Variants in GPSM3 observed in about 807,000 individuals in gnomAD.
GPSM3 encodes the protein G protein signaling modulator 3, also known as G protein-signaling modulator 3.
GPSM3 carries 16 observed loss-of-function variants against 20.4 expected under a neutral mutation model. That is an observed-to-expected ratio of 0.78 (90% CI 0.53 to 1.19). The LOEUF (loss-of-function observed/expected upper bound fraction) is 1.19. Ranked by LOEUF, GPSM3 falls within the 50% of genes most tolerant of loss-of-function variation. The probability of loss-of-function intolerance (pLI) is 0.00; values close to 1 mark genes in which losing one functional copy is unlikely to be tolerated. For missense variants in GPSM3, 177 were observed against 204.6 expected, an observed-to-expected ratio of 0.86 and a Z score of 0.82; for synonymous variants, 70 against 79.6, an observed-to-expected ratio of 0.88 and a Z score of 0.64.
In GPSM3 at chr6:32,192,012, G is replaced by C; in HGVS notation, c.146-104C>G. On this transcript the variant is annotated intron_variant, in intron 2 of 3. Coordinates refer to ENST00000375040, the MANE Select transcript of GPSM3 (RefSeq NM_001276501.2). This position sits in a 1 kb window ranked among gnomAD's most constrained non-coding sequence, Gnocchi z 5.1. ...ACGTGATTAGGGACTTTGGATCAGAGGAGAGGGGGTGCAATGGGGAATCCC... is the reference window on the plus strand; with the variant it reads ...ACGTGATTAGGGACTTTGGATCAGACGAGAGGGGGTGCAATGGGGAATCCC... 1 of 1,298,470 alleles carries C rather than the reference G, an allele frequency of 7.7e-7. No homozygotes were observed. The highest frequency in any genetic ancestry group is 1.1e-6 in the Non-Finnish European group (1 of 915,752). The allele number at this position is 1,298,470 out of a possible 1,614,324, so 80.4% of individuals were successfully genotyped here.
upstream of GPSM3, among the ~76,000 whole-genome samples, chr6:32,193,498 T>A (rs1787674344): frequency 6.6e-6 from 1 of 151,830 alleles, no homozygotes; most frequent in African/African-American, 2.4e-5. This position sits in a 1 kb window ranked among gnomAD's most constrained non-coding sequence, Gnocchi z 4.7. Context: ...AGACTCCGTC[T>A]CCAAAATAAA....
chr6:32,192,167 AGGAGGAGGGGAT>A lies in GPSM3; in HGVS notation c.114_125del (p.Ser39_Pro42del). On this transcript the variant is annotated inframe_deletion, in exon 2 of 4. Coordinates refer to ENST00000375040, the MANE Select transcript of GPSM3 (RefSeq NM_001276501.2). The surrounding 1 kb of genome is among the most constrained non-coding windows in gnomAD (Gnocchi z 5.1). ...GGGTACCTGTGTGGCGGGTCCCTGG[AGGAGGAGGGGAT>A]GGAGGAGCAGATCGCCAAGGCCGAG... 1.3e-6 allele frequency: 2 copies of A among 1,506,024 alleles called. No individual in the cohort carries two copies. The highest frequency in any genetic ancestry group is 2.7e-5 in the South Asian group (2 of 73,710). 93.3% of individuals were successfully genotyped at this position (1,506,024 alleles called of 1,614,324 possible).
chr6:32,195,428 T>A, upstream of GPSM3: 1 of 1,569,154 alleles, frequency 6.4e-7, no homozygotes, highest in Non-Finnish European at 8.6e-7. The surrounding 1 kb of genome is among the most constrained non-coding windows in gnomAD (Gnocchi z 5.4). Flanking sequence ...CTCCCTACCA[T>A]GTATTCTTCT....
upstream of GPSM3, chr6:32,194,877 A>G (rs1787752602): frequency 4.3e-6 from 1 of 233,380 alleles, no homozygotes; most frequent in Admixed American, 5.6e-5. The surrounding 1 kb of genome is among the most constrained non-coding windows in gnomAD (Gnocchi z 4.5). Context: ...TGGGTGACAG[A>G]TTTAGGGTTC....
Position 32,192,116 on chromosome 6 carries a change from G to C in GPSM3, c.145+32C>G, listed in dbSNP as rs371037731. 1 of 1,477,878 alleles carries C rather than the reference G, an allele frequency of 6.8e-7. No homozygotes were observed. Among genetic ancestry groups the C allele is most frequent in the Non-Finnish European group, 9.1e-7 (1 of 1,099,354 alleles). The allele number at this position is 1,477,878 out of a possible 1,614,324, so 91.5% of individuals were successfully genotyped here. On this transcript the variant is annotated intron_variant, in intron 2 of 3. Coordinates refer to ENST00000375040, the MANE Select transcript of GPSM3 (RefSeq NM_001276501.2). This position sits in a 1 kb window ranked among gnomAD's most constrained non-coding sequence, Gnocchi z 5.1. ...AATGGGGTCAGGATGTGGGCACTAG[G>C]GTCGGGGCTCTCCCTGGGTGGGTAG...
rs763139972 is a variant in GPSM3 at position 32,191,791 on chromosome 6, TG to T, written c.262del (p.Gln88LysfsTer6). On this transcript the variant is annotated frameshift_variant, in exon 3 of 4. Coordinates refer to ENST00000375040, the MANE Select transcript of GPSM3 (RefSeq NM_001276501.2). LOFTEE classifies it high-confidence loss of function. This position sits in a 1 kb window ranked among gnomAD's most constrained non-coding sequence, Gnocchi z 5.9. The stretch of plus-strand genomic sequence containing the variant: ...GGCAGGGGCTAGGCTTGAGGGGTTT[TG>T]GGGGGTGTAGAAGGTGGCCCTCTGC... ...EEQRATFYTP[Q>X]NPSSLAPAPL... The T allele has an allele frequency of 1.2e-6, 2 of 1,611,770 alleles. No individual in the cohort carries two copies. The highest frequency in any genetic ancestry group is 1.1e-5 in the South Asian group (1 of 91,032).
rs748139033 is a variant in GPSM3, at chr6:32,192,267, T to A, written c.43-17A>T. On this transcript the variant is annotated splice_polypyrimidine_tract_variant and intron_variant, in intron 1 of 3. Transcript: ENST00000375040. The surrounding 1 kb of genome is among the most constrained non-coding windows in gnomAD (Gnocchi z 5.1). ...AGGGGGGCCCTGATGCCAAAATATG[T>A]CCATTCTAGTCAAGCAGTGGTGGTT... 2 of 1,512,804 alleles carry A rather than the reference T, an allele frequency of 1.3e-6. No individual in the cohort carries two copies. The highest frequency in any genetic ancestry group is 1.4e-5 in the African/African-American group (1 of 71,526). 93.7% of individuals were successfully genotyped at this position (1,512,804 alleles called of 1,614,324 possible). A position where few individuals can be genotyped will look rare whatever the true frequency, so the allele number is the denominator to read the frequency against.
chr6:32,191,466 A>T lies in GPSM3; in HGVS notation c.383T>A (p.Leu128His). 6.3e-7 allele frequency: 1 copy of T among 1,582,322 alleles called. No homozygotes were observed. The highest frequency in any genetic ancestry group is 1.4e-5 in the African/African-American group (1 of 73,050). Residue 128 changes from leucine to histidine, a missense_variant, in exon 4 of 4, where the codon CTC becomes CAC. Transcript: ENST00000375040. The surrounding 1 kb of genome is among the most constrained non-coding windows in gnomAD (Gnocchi z 5.9). ...RMEAQRSEPP[L>H]PPGGQELLEL... The stretch of plus-strand genomic sequence containing the variant: ...CAGGAGCTCTTGCCCCCCTGGAGGG[A>T]GGGGAGGCTCTGACCGCTGGGCTTC...
chr6:32,195,335 C>T (rs762608692), upstream of GPSM3: 9 of 1,143,300 alleles, frequency 7.9e-6, no homozygotes, highest in Non-Finnish European at 1.1e-5. This position sits in a 1 kb window ranked among gnomAD's most constrained non-coding sequence, Gnocchi z 5.4. Context: ...ACTAAACTCA[C>T]AACCCTTCAT....
At position 32,191,412 on chromosome 6, in the gene GPSM3, C is replaced by T; in HGVS notation, c.437G>A (p.Gly146Asp). 6.3e-7 allele frequency: 1 copy of T among 1,593,524 alleles called. No homozygotes were observed. Among genetic ancestry groups the T allele is most frequent in the Non-Finnish European group, 8.5e-7 (1 of 1,172,168 alleles). ...CCGGGACCTTTGCTCCTCCATTCGACCCCCACCCTGAACTCTCAGCAGCAA... is the reference window on the plus strand; with the variant it reads ...CCGGGACCTTTGCTCCTCCATTCGATCCCCACCCTGAACTCTCAGCAGCAA... ...LELLLRVQGG[G>D]RMEEQRSRPP... Residue 146 changes from glycine to aspartate, a missense_variant, in exon 4 of 4, where the codon GGT (glycine) becomes GAT (aspartate). By Grantham distance (94) the Gly-to-Asp change is moderately conservative. Coordinates refer to ENST00000375040, the MANE Select transcript of GPSM3 (RefSeq NM_001276501.2). The surrounding 1 kb of genome is among the most constrained non-coding windows in gnomAD (Gnocchi z 5.9).
At position 32,191,415 on chromosome 6, in the gene GPSM3, C is replaced by T. The variant is rs1278822556; in HGVS notation, c.434G>A (p.Gly145Glu). 2.5e-6 allele frequency: 4 copies of T among 1,592,944 alleles called. No individual in the cohort carries two copies. The highest frequency in any genetic ancestry group is 1.1e-5 in the South Asian group (1 of 88,504). Residue 145 changes from glycine (G) to glutamate (E), a missense_variant, in exon 4 of 4, where the codon GGG (glycine) becomes GAG (glutamate). Gly to Glu is a moderately conservative substitution (Grantham distance 98, BLOSUM62 -2). Coordinates refer to ENST00000375040, the MANE Select transcript of GPSM3 (RefSeq NM_001276501.2). The surrounding 1 kb of genome is among the most constrained non-coding windows in gnomAD (Gnocchi z 5.9). ...LLELLLRVQG[G>E]GRMEEQRSRP... is the part of the protein sequence containing the mutation. Reference sequence around the variant, plus strand: ...GGACCTTTGCTCCTCCATTCGACCCCCACCCTGAACTCTCAGCAGCAACTC... The same window carrying T: ...GGACCTTTGCTCCTCCATTCGACCCTCACCCTGAACTCTCAGCAGCAACTC...
In GPSM3 at chr6:32,192,223, G is replaced by T; in HGVS notation, c.70C>A (p.Pro24Thr). The stretch of plus-strand genomic sequence containing the variant: ...GGCCGAGTGGTGGAGTTTGGAGGGG[G>T]CCAGCCTTCCTCATCCTGAGGGGGG... ...QGPPQDEEGW[P>T]PPNSTTRPWR... The change falls in exon 2 of 4, where the codon CCC becomes ACC. Residue 24 changes from proline to threonine, a missense_variant. Transcript: ENST00000375040. The surrounding 1 kb of genome is among the most constrained non-coding windows in gnomAD (Gnocchi z 5.1). 6.6e-7 allele frequency: 1 copy of T among 1,516,850 alleles called. No homozygotes were observed. Among genetic ancestry groups the T allele is most frequent in the Non-Finnish European group, 8.8e-7 (1 of 1,133,446 alleles). 94.0% of individuals were successfully genotyped at this position (1,516,850 alleles called of 1,614,324 possible).
chr6:32,191,890 G>A lies in GPSM3; in HGVS notation c.164C>T (p.Ala55Val), dbSNP rs1003586041. The change falls in exon 3 of 4, where the codon GCC becomes GTC. Residue 55 changes from alanine to valine, a missense_variant. Coordinates refer to ENST00000375040, the MANE Select transcript of GPSM3 (RefSeq NM_001276501.2). This position sits in a 1 kb window ranked among gnomAD's most constrained non-coding sequence, Gnocchi z 5.9. ...TTCAGTCTGCAGGGAGAGCAGGGAGGCCGAGCGGGGTCCCAGGGCTGGGGA... is the reference window on the plus strand; with the variant it reads ...TTCAGTCTGCAGGGAGAGCAGGGAGACCGAGCGGGGTCCCAGGGCTGGGGA... ...TRHTALGPRSASLLSLQTELL... is the reference protein window; with the variant it reads ...TRHTALGPRSVSLLSLQTELL... 1 of 1,611,232 alleles carries A rather than the reference G, an allele frequency of 6.2e-7. No individual in the cohort carries two copies. The highest frequency in any genetic ancestry group is 8.5e-7 in the Non-Finnish European group (1 of 1,179,658).
chr6:32,191,672 A>G lies in GPSM3; in HGVS notation c.345+37T>C. 5.2e-6 allele frequency: 8 copies of G among 1,546,100 alleles called. No homozygotes were observed. The highest frequency in any genetic ancestry group is 7.0e-6 in the Non-Finnish European group (8 of 1,136,340). On this transcript the variant is annotated intron_variant, in intron 3 of 3. Transcript: ENST00000375040. The surrounding 1 kb of genome is among the most constrained non-coding windows in gnomAD (Gnocchi z 5.9). ...CAAAGAGAACAGGGGCCAAGAGACCAGGAGGCCTGGGTTTGCCTCCTGGGG... is the reference window on the plus strand; with the variant it reads ...CAAAGAGAACAGGGGCCAAGAGACCGGGAGGCCTGGGTTTGCCTCCTGGGG...
At chr6:32,195,228 G>A (rs1561906286), upstream of GPSM3, 1 of 575,240 alleles carries the variant, frequency 1.7e-6, no homozygotes, top group South Asian at 2.3e-5. The surrounding 1 kb of genome is among the most constrained non-coding windows in gnomAD (Gnocchi z 5.4). Flanking sequence ...GACTGGGCCT[G>A]CCTCATCCTA....
At chr6:32,194,872 G>C (rs1787752105), upstream of GPSM3, 1 of 233,364 alleles carries the variant, frequency 4.3e-6, no homozygotes, top group Admixed American at 5.6e-5. The surrounding 1 kb of genome is among the most constrained non-coding windows in gnomAD (Gnocchi z 4.5). Context: ...TATTATGGGT[G>C]ACAGATTTAG....
Position 32,192,037 on chromosome 6 carries a change from C to A in GPSM3, c.145+111G>T. On this transcript the variant is annotated intron_variant, in intron 2 of 3. Transcript: ENST00000375040. This position sits in a 1 kb window ranked among gnomAD's most constrained non-coding sequence, Gnocchi z 5.1. ...GGAGAGGGGGTGCAATGGGGAATCC[C>A]AAGGGGAGTCTGGAGGAGGTGGGGA... The A allele has an allele frequency of 8.0e-7, 1 of 1,246,800 alleles. No individual in the cohort carries two copies. The highest frequency in any genetic ancestry group is 1.1e-6 in the Non-Finnish European group (1 of 876,966). 77.2% of individuals were successfully genotyped at this position (1,246,800 alleles called of 1,614,324 possible).
chr6:32,195,318 G>T (rs1376700210), upstream of GPSM3: 3 of 935,900 alleles, frequency 3.2e-6, no homozygotes, highest in East Asian at 5.2e-5. This position sits in a 1 kb window ranked among gnomAD's most constrained non-coding sequence, Gnocchi z 5.4. Context: ...TTCATTTTAG[G>T]AGAGAAACTA....
chr6:32,195,307 A>C (rs759565461), upstream of GPSM3: 15 of 855,510 alleles, frequency 1.8e-5, no homozygotes, highest in Non-Finnish European at 2.6e-5. The surrounding 1 kb of genome is among the most constrained non-coding windows in gnomAD (Gnocchi z 5.4). Context: ...GTGGGCATAC[A>C]TTCATTTTAG....
Sources: allele counts gnomAD v4.1 joint callset (sites outside exome capture counted in the v4.1 genomes callset), GRCh38; gene constraint gnomAD v4.1.1; non-coding constraint Gnocchi (gnomAD v3.1); transcripts MANE v1.5; gene names NCBI Gene and HGNC (gene_info 2026-07-23, HGNC 2026-07-21).